Variants in DDR2 observed in about 807,000 individuals in gnomAD.
The protein encoded by DDR2 is discoidin domain receptor tyrosine kinase 2.
DDR2 carries 27 observed loss-of-function variants against 94.9 expected under a neutral mutation model. That is an observed-to-expected ratio of 0.28 (90% confidence interval 0.21 to 0.39). The LOEUF (loss-of-function observed/expected upper bound fraction) is 0.39, where lower values mean the gene tolerates loss of function less well. Among genes scored for constraint, DDR2 ranks in the 10% least tolerant of loss-of-function variants. The probability of loss-of-function intolerance (pLI) is 1.00; values close to 1 mark genes in which losing one functional copy is unlikely to be tolerated. For synonymous variants in DDR2, 382 were observed against 377.2 expected (o/e 1.01, Z -0.15); for missense variants, 783 against 1,076.0 (o/e 0.73, Z 3.81).
intron 9 of DDR2, among the ~76,000 whole-genome samples, chr1:162,762,761 TA>T (rs1202107817): frequency 1.3e-5 from 2 of 152,306 alleles, no homozygotes; most frequent in Admixed American, 6.5e-5. Flanking sequence ...TTTTTACCCT[TA>T]TTTTTTTGGT....
chr1:162,766,227 G>A (rs1420314379), intron 10 of DDR2, among the ~76,000 whole-genome samples, 164 bp downstream of exon 10: 4 of 152,144 alleles, frequency 2.6e-5, no homozygotes, highest in Admixed American at 2.0e-4. Context: ...CCAAGTTATG[G>A]ATCCAAATAT....
rs139106591 is a variant in DDR2 at position 162,696,190 on chromosome 1, T to C, written c.-27-22847T>C. Reference sequence around the variant, plus strand: ...AGAAGACATGGAAATGTTTTAAATGTTTCTTTTCCTTTTTTTTTTTTTTTA... The same window carrying C: ...AGAAGACATGGAAATGTTTTAAATGCTTCTTTTCCTTTTTTTTTTTTTTTA... On this transcript the variant is annotated intron_variant, in intron 2 of 17. Coordinates refer to ENST00000367921, the MANE Select transcript of DDR2 (RefSeq NM_006182.4). Among the ~76,000 whole-genome samples the C allele has an allele frequency of 3.4e-3, 470 of 137,880 alleles. 2 individuals carry two copies. The highest frequency in any genetic ancestry group is 0.012 in the African/African-American group (452 of 37,836). The allele number at this position is 137,880 out of a possible 152,430, so 90.5% of individuals were successfully genotyped here.
At chr1:162,757,985 C>T (rs569282648) in intron 7 of DDR2, among the ~76,000 whole-genome samples, 5 of 152,098 alleles carry the variant, frequency 3.3e-5, no homozygotes, top group South Asian at 4.2e-4. Flanking sequence ...GCTTACCTTG[C>T]GCCAAGCATT....
At chr1:162,685,619 C>T (rs898665113) in intron 2 of DDR2, among the ~76,000 whole-genome samples, 4 of 152,058 alleles carry the variant, frequency 2.6e-5, no homozygotes, top group Admixed American at 2.0e-4. Flanking sequence ...TGGGTGATCT[C>T]GGAGGTCCTT....
At chr1:162,639,111 A>G (rs1357786659) in intron 1 of DDR2, among the ~76,000 whole-genome samples, 1 of 152,148 alleles carries the variant, frequency 6.6e-6, no homozygotes, top group Non-Finnish European at 1.5e-5. Context: ...GATTACAGAC[A>G]TGCACCACCA....
At chr1:162,735,027 C>T (rs907486290) in intron 3 of DDR2, among the ~76,000 whole-genome samples, 2 of 152,120 alleles carry the variant, frequency 1.3e-5, no homozygotes, top group East Asian at 3.9e-4. Flanking sequence ...AACAGCTGGA[C>T]TCAACTGCAG....
chr1:162,636,065 A>G lies in DDR2; in HGVS notation c.-192+3434A>G, dbSNP rs139591187. On this transcript the variant is annotated intron_variant, in intron 1 of 17. Coordinates refer to ENST00000367921, the MANE Select transcript of DDR2 (RefSeq NM_006182.4). ...TCTCTGTAAATTTTTCTCTCTTTTA[A>G]TTATATTTGTATATGTTTAAATGTG... Among the ~76,000 whole-genome samples, 251 of 152,282 alleles carry G rather than the reference A, an allele frequency of 1.6e-3. 4 individuals carry two copies. The highest frequency in any genetic ancestry group is 5.2e-3 in the African/African-American group (217 of 41,560).
intron 1 of DDR2, among the ~76,000 whole-genome samples, chr1:162,639,087 T>C (rs1305753136): frequency 6.6e-6 from 1 of 152,162 alleles, no homozygotes; most frequent in Non-Finnish European, 1.5e-5. Flanking sequence ...TGTCTCAGCC[T>C]CCTGAGTAGC....
chr1:162,710,447 A>T lies in DDR2; in HGVS notation c.-27-8590A>T, dbSNP rs150395044. On this transcript the variant is annotated intron_variant, in intron 2 of 17. Transcript: ENST00000367921. Reference sequence around the variant, plus strand: ...AGGAAAACTTCAACAAATCCTCAGGAATAGAAACAGAACATGAGATGAGAA... The same window carrying T: ...AGGAAAACTTCAACAAATCCTCAGGTATAGAAACAGAACATGAGATGAGAA... 4.1e-3 allele frequency among the ~76,000 whole-genome samples: 619 copies of T among 152,294 alleles called. 2 individuals are homozygous for T. The highest frequency in any genetic ancestry group is 0.031 in the Middle Eastern group (9 of 294).
At chr1:162,709,150 C>T (rs1660785507) in intron 2 of DDR2, among the ~76,000 whole-genome samples, 1 of 152,108 alleles carries the variant, frequency 6.6e-6, no homozygotes, top group Non-Finnish European at 1.5e-5. Context: ...AGGTGGGAGA[C>T]AGGACTCAAA....
At chr1:162,742,363 CT>C (rs1166214240) in intron 3 of DDR2, among the ~76,000 whole-genome samples, 3 of 152,194 alleles carry the variant, frequency 2.0e-5, no homozygotes, top group Non-Finnish European at 4.4e-5. Flanking sequence ...GCATTGGAAT[CT>C]GTTTGGCTTC....
intron 3 of DDR2, among the ~76,000 whole-genome samples, chr1:162,725,668 T>C (rs1200198599): frequency 3.9e-5 from 6 of 152,204 alleles, no homozygotes; most frequent in Non-Finnish European, 8.8e-5. Context: ...GCCACAAGCA[T>C]GCTCTTGACC....
intron 2 of DDR2, among the ~76,000 whole-genome samples, chr1:162,712,130 G>A (rs1189336937): frequency 2.0e-5 from 3 of 151,116 alleles, no homozygotes; most frequent in Non-Finnish European, 2.9e-5. Context: ...CTTGTTTTGG[G>A]AAATGATCTG....
At chr1:162,751,958 G>A (rs946462023) in intron 3 of DDR2, among the ~76,000 whole-genome samples, 3 of 152,122 alleles carry the variant, frequency 2.0e-5, no homozygotes, top group African/African-American at 7.2e-5. Flanking sequence ...AGAACACCTG[G>A]ACACAGGGCG....
At chr1:162,716,959 T>C (rs1331326582) in intron 2 of DDR2, among the ~76,000 whole-genome samples, 2 of 152,312 alleles carry the variant, frequency 1.3e-5, no homozygotes, top group Non-Finnish European at 2.9e-5. Context: ...TTGTGTCACA[T>C]ACTATTTCTA....
chr1:162,756,526 T>C (rs1392695348), intron 7 of DDR2, among the ~76,000 whole-genome samples: 2 of 152,232 alleles, frequency 1.3e-5, no homozygotes, highest in African/African-American at 2.4e-5. Flanking sequence ...ACTAACACTT[T>C]TCTCTCTAAG....
At chr1:162,639,243 T>C (rs954044458) in intron 1 of DDR2, among the ~76,000 whole-genome samples, 1 of 152,196 alleles carries the variant, frequency 6.6e-6, no homozygotes, top group Non-Finnish European at 1.5e-5. Flanking sequence ...CAAGGCTTAC[T>C]GTAAAGCTCT....
chr1:162,726,552 A>G (rs992703368), intron 3 of DDR2, among the ~76,000 whole-genome samples: 1 of 152,194 alleles, frequency 6.6e-6, no homozygotes, highest in Admixed American at 6.5e-5. Flanking sequence ...GCAAGAAAAA[A>G]CAAAGCTCCA....
In DDR2 at chr1:162,747,189, G is replaced by T. The variant is rs150722454; in HGVS notation, c.83-5906G>T. ...GACTTTGACAAGATGACAGAAGTAG[G>T]CTTAAAAATATCAGTAATAACAAAC... On this transcript the variant is annotated intron_variant, in intron 3 of 17. Coordinates refer to ENST00000367921, the MANE Select transcript of DDR2 (RefSeq NM_006182.4). Among the ~76,000 whole-genome samples the T allele has an allele frequency of 2.4e-3, 366 of 152,308 alleles. 3 individuals are homozygous for T. The highest frequency in any genetic ancestry group is 8.4e-3 in the African/African-American group (349 of 41,574).
Sources: allele counts gnomAD v4.1 joint callset (sites outside exome capture counted in the v4.1 genomes callset), GRCh38; gene constraint gnomAD v4.1.1; transcripts MANE v1.5; gene names NCBI Gene and HGNC (gene_info 2026-07-23, HGNC 2026-07-21).